POLN: variants seen among roughly 807,000 people sequenced by gnomAD.
POLN encodes the protein DNA polymerase N.
In POLN, 108 loss-of-function variants were observed where a neutral mutation model predicts 113.5. That is an observed-to-expected ratio of 0.95 (90% CI 0.81 to 1.12). The LOEUF is 1.12. Ranked by LOEUF, POLN falls within the 50% of genes most tolerant of loss-of-function variation. The pLI is 0.00. For synonymous variants in POLN, 386 were observed against 391.5 expected, an observed-to-expected ratio of 0.99 and a Z score of 0.17; for missense variants, 1,097 against 1,077.1, an observed-to-expected ratio of 1.02 and a Z score of -0.26.
In POLN at chr4:2,241,906, C is replaced by G. The variant is rs7690895; in HGVS notation, c.-283-116G>C. On this transcript the variant is annotated intron_variant, in intron 1 of 25. Transcript: ENST00000511885. ...AGCTCCTCGCCCAGCGGACCGGGCC[C>G]TGATCCCCGGGCAGCTGCTGGAGCA... 9.7e-3 allele frequency: 9,543 copies of G among 985,462 alleles called. 707 individuals are homozygous for G. The African/African-American group carries it at 0.15, about 15-fold the overall frequency. The allele number at this position is 985,462 out of a possible 1,614,324, so 61.0% of individuals were successfully genotyped here.
At chr4:2,151,710 G>A (rs148745675) in intron 16 of POLN, among the ~76,000 whole-genome samples, 166 of 152,306 alleles carry the variant, frequency 1.1e-3, no homozygotes, top group African/African-American at 3.8e-3. Context: ...AAAGGAGCCC[G>A]ACAGGAGGAG....
intron 16 of POLN, 91 bp from the exon 17 acceptor site, chr4:2,131,381 C>T: frequency 1.2e-6 from 1 of 853,260 alleles, no homozygotes; most frequent in Non-Finnish European, 1.8e-6. Context: ...TTTTATTAAA[C>T]ATTAAAACAA....
chr4:2,153,419 T>A (rs1056779383), intron 16 of POLN, among the ~76,000 whole-genome samples: 7 of 152,144 alleles, frequency 4.6e-5, no homozygotes, highest in African/African-American at 1.7e-4. Flanking sequence ...TATAATGTGA[T>A]CCCACTTATG....
intron 13 of POLN, among the ~76,000 whole-genome samples, chr4:2,164,546 T>C (rs189482899): frequency 4.0e-4 from 60 of 148,478 alleles, no homozygotes; most frequent in Admixed American, 7.4e-4. Context: ...CTCACGCCTG[T>C]AATCCCAGCA....
intron 22 of POLN, 73 bp from the exon 23 acceptor site, chr4:2,081,109 C>G: frequency 1.2e-6 from 2 of 1,609,592 alleles, no homozygotes; most frequent in Non-Finnish European, 1.7e-6. Flanking sequence ...TCTGCACCAT[C>G]GCCACAGCTC....
chr4:2,121,723 C>T (rs549085539), intron 19 of POLN, among the ~76,000 whole-genome samples: 6 of 151,828 alleles, frequency 4.0e-5, no homozygotes, highest in Non-Finnish European at 7.4e-5. Context: ...TGATTTACAT[C>T]ATCTATTTTC....
At chr4:2,136,646 ATGCT>A (rs1731865595) in intron 16 of POLN, among the ~76,000 whole-genome samples, 1 of 152,220 alleles carries the variant, frequency 6.6e-6, no homozygotes, top group African/African-American at 2.4e-5. Context: ...TGTTAGTGGA[ATGCT>A]ATGCAGGGAA....
intron 16 of POLN, among the ~76,000 whole-genome samples, chr4:2,154,936 A>G (rs1732387099): frequency 6.6e-6 from 1 of 152,266 alleles, no homozygotes; most frequent in Non-Finnish European, 1.5e-5. Flanking sequence ...AACTGAAATA[A>G]CAGAAAAATA....
chr4:2,199,762 A>G (rs35383332), intron 5 of POLN, among the ~76,000 whole-genome samples: 1,519 of 138,444 alleles, frequency 0.011, 11 homozygotes, highest in Non-Finnish European at 0.017. Flanking sequence ...GTATTTTAGT[A>G]GAGACGGGGT....
chr4:2,196,257 G>C (rs1055642619), intron 6 of POLN, among the ~76,000 whole-genome samples: 3 of 152,092 alleles, frequency 2.0e-5, no homozygotes, highest in Non-Finnish European at 2.9e-5. Flanking sequence ...TGCTAAATCC[G>C]GCCATCCAAC....
At position 2,095,548 on chromosome 4, in the gene POLN, G is replaced by A. The variant is rs1042189941; in HGVS notation, c.2065+303C>T. 4.6e-5 allele frequency among the ~76,000 whole-genome samples: 7 copies of A among 152,126 alleles called. No individual in the cohort carries two copies. The South Asian group carries it at 1.5e-3, about 32-fold the overall frequency. ...CATGTGTGTGGACGAGGGTCTCCTC[G>A]AAGGTCTCCAAGCACAGCAGTGGTG... On this transcript the variant is annotated intron_variant, in intron 20 of 25. Transcript: ENST00000511885.
At chr4:2,205,999 T>C (rs941607512) in intron 5 of POLN, among the ~76,000 whole-genome samples, 3 of 151,928 alleles carry the variant, frequency 2.0e-5, no homozygotes, top group Non-Finnish European at 1.5e-5. Flanking sequence ...GATTTCAAAC[T>C]ATACTATAAG....
At position 2,155,093 on chromosome 4, in the gene POLN, C is replaced by T. The variant is rs377087116; in HGVS notation, c.1731+1695G>A. ...AAAGAAACTTATAACTGCATAAAAA[C>T]AAAAGCAAGGACCTCCACGAAAAGT... On this transcript the variant is annotated intron_variant, in intron 16 of 25. Transcript: ENST00000511885. 1.1e-4 allele frequency among the ~76,000 whole-genome samples: 17 copies of T among 152,270 alleles called. No individual in the cohort carries two copies. In the South Asian group the frequency reaches 3.3e-3, roughly 30 times the overall value.
intron 8 of POLN, among the ~76,000 whole-genome samples, chr4:2,178,933 C>T (rs1733064260): frequency 6.6e-6 from 1 of 152,106 alleles, no homozygotes; most frequent in Non-Finnish European, 1.5e-5. Context: ...GCAGTTCTGA[C>T]CATTCTCTCC....
chr4:2,086,835 G>C (rs1372225908), intron 20 of POLN, among the ~76,000 whole-genome samples: 4 of 152,198 alleles, frequency 2.6e-5, no homozygotes, highest in Non-Finnish European at 4.4e-5. Context: ...GGTTGTACTA[G>C]AGGGTGCTCC....
chr4:2,158,857 G>A (rs1357349356), intron 14 of POLN, among the ~76,000 whole-genome samples: 1 of 152,266 alleles, frequency 6.6e-6, no homozygotes. Flanking sequence ...AGGTACTGCT[G>A]GGCGTCTCCT....
chr4:2,124,612 T>C (rs1402572096), intron 19 of POLN, among the ~76,000 whole-genome samples: 3 of 152,146 alleles, frequency 2.0e-5, no homozygotes, highest in African/African-American at 7.2e-5. Flanking sequence ...TTTTATGGTC[T>C]GTGAATTATA....
intron 8 of POLN, among the ~76,000 whole-genome samples, chr4:2,178,426 A>G (rs1015060705): frequency 6.6e-6 from 1 of 152,234 alleles, no homozygotes; most frequent in Non-Finnish European, 1.5e-5. Flanking sequence ...AAGCCTGAAC[A>G]GGGTGGCCCC....
intron 7 of POLN, among the ~76,000 whole-genome samples, chr4:2,186,189 G>A (rs943926231): frequency 2.0e-5 from 3 of 152,300 alleles, no homozygotes; most frequent in Admixed American, 6.5e-5. Flanking sequence ...TGAGACTGAG[G>A]TGGACAATCA....
Sources: allele counts gnomAD v4.1 joint callset (sites outside exome capture counted in the v4.1 genomes callset), GRCh38; gene constraint gnomAD v4.1.1; transcripts MANE v1.5; gene names NCBI Gene and HGNC (gene_info 2026-07-23, HGNC 2026-07-21).